The following DONSON variants were observed in gnomAD, a reference collection of about 807,000 sequenced individuals.
DONSON encodes protein downstream neighbor of Son.
In DONSON, 43 loss-of-function variants were observed where a neutral mutation model predicts 62.1. That is an observed-to-expected ratio of 0.69 (90% CI 0.54 to 0.89). The LOEUF is 0.89. Among genes scored for constraint, DONSON ranks in the 40% least tolerant of loss-of-function variants. The probability of loss-of-function intolerance (pLI) is 0.00; values close to 1 mark genes in which losing one functional copy is unlikely to be tolerated. For synonymous variants in DONSON, 266 were observed against 264.6 expected, an observed-to-expected ratio of 1.01 and a Z score of -0.05; for missense variants, 696 against 697.5, an observed-to-expected ratio of 1.00 and a Z score of 0.03.
intron 3 of DONSON, among the ~76,000 whole-genome samples, chr21:33,585,226 T>A (rs979154390): frequency 6.6e-6 from 1 of 152,090 alleles, no homozygotes; most frequent in African/African-American, 2.4e-5. Flanking sequence ...TTTGAGACTT[T>A]AAAAAAATTT....
rs915044499 is a variant in DONSON, at chr21:33,583,341, A to G, written c.964+147T>C. The stretch of plus-strand genomic sequence containing the variant: ...CTGCTGGATTAAATAATTGTGGGGG[A>G]GGGAAAAAAAGCCAGAAATAAAGAA... On this transcript the variant is annotated intron_variant, in intron 5 of 9. Transcript: ENST00000303071. The G allele has an allele frequency of 1.5e-4, 95 of 639,514 alleles. No homozygotes were observed. The Middle Eastern group carries it at 7.1e-3, about 48-fold the overall frequency. The allele number at this position is 639,514 out of a possible 1,614,324, so 39.6% of individuals were successfully genotyped here. A position where few individuals can be genotyped will look rare whatever the true frequency, so the allele number is the denominator to read the frequency against.
intron 8 of DONSON, chr21:33,581,073 A>G: frequency 4.9e-6 from 2 of 404,184 alleles, no homozygotes; most frequent in Non-Finnish European, 4.5e-6. Context: ...GCAGCGCAAG[A>G]CTCCATCTCG....
intron 2 of DONSON, chr21:33,587,277 C>G (rs1404177845): frequency 1.2e-6 from 1 of 805,770 alleles, no homozygotes; most frequent in Non-Finnish European, 1.5e-6. Context: ...AAAACCCCCA[C>G]GTCTATCAGG....
At chr21:33,584,918 G>A (rs1277958143) in intron 3 of DONSON, 150 bp from the exon 4 acceptor site, 1 of 635,402 alleles carries the variant, frequency 1.6e-6, no homozygotes, top group East Asian at 3.2e-5. Flanking sequence ...CGAAAACATA[G>A]TTTATCCTTA....
At chr21:33,584,102 T>C (rs2086551007) in intron 4 of DONSON, among the ~76,000 whole-genome samples, 2 of 147,258 alleles carry the variant, frequency 1.4e-5, no homozygotes, top group African/African-American at 2.5e-5. Flanking sequence ...TGGAGTGCAG[T>C]GGCGCGATCT....
At position 33,581,382 on chromosome 21, in the gene DONSON, T is replaced by A; in HGVS notation, c.1270A>T (p.Thr424Ser). The A allele has an allele frequency of 6.2e-7, 1 of 1,614,134 alleles. No homozygotes were observed. Among genetic ancestry groups the A allele is most frequent in the Non-Finnish European group, 8.5e-7 (1 of 1,180,016 alleles). ...GGAAGTCCTGCCTGTGGACCTGAGG[T>A]AGCAACTAAACTCTTAGAGTTAATC... ...FLINSKSLVA[T>S]SGPQAGLPPT... Residue 424 changes from threonine to serine, a missense_variant, in exon 8 of 10, where the codon ACC (threonine) becomes TCC (serine). By Grantham distance (58) the Thr-to-Ser change is moderately conservative. Transcript: ENST00000303071.
rs775719667 is a variant in DONSON, at chr21:33,586,161, G to C, written c.423C>G (p.Ser141=). The change falls in exon 3 of 10, where the codon TCC becomes TCG. Residue 141 remains serine, a synonymous_variant. Transcript: ENST00000303071. ...TTTTTGAGGACGGAATATCAGGCTC[G>C]GAGAATGATACATGTGAAGTCTTTA... is the stretch of plus-strand genomic sequence containing the variant. ...ELPQTSHVSF[S]EPDIPSSKST... The C allele has an allele frequency of 1.9e-6, 3 of 1,613,874 alleles. No individual in the cohort carries two copies. The highest frequency in any genetic ancestry group is 2.5e-6 in the Non-Finnish European group (3 of 1,179,980).
intron 4 of DONSON, 93 bp from the exon 5 acceptor site, chr21:33,583,759 C>T: frequency 9.9e-7 from 1 of 1,006,410 alleles, no homozygotes; most frequent in East Asian, 2.6e-5. Context: ...TGGTTTAAAA[C>T]ACAACACAAA....
chr21:33,584,524 T>C (rs1461182738), intron 4 of DONSON, 66 bp downstream of exon 4: 2 of 1,424,202 alleles, frequency 1.4e-6, no homozygotes, highest in African/African-American at 2.8e-5. Context: ...GTCACAAATA[T>C]GATAGAGAAT....
rs2086436213 is a variant in DONSON, at chr21:33,577,629, A to C, written c.*678T>G. On this transcript the variant is annotated 3_prime_UTR_variant, in exon 10 of 10. Coordinates refer to ENST00000303071, the MANE Select transcript of DONSON (RefSeq NM_017613.4). Reference sequence around the variant, plus strand: ...TACACACACACACACACACACACACACACACACACACACACACACACACAC... The same window carrying C: ...TACACACACACACACACACACACACCCACACACACACACACACACACACAC... 1 of 23,138 alleles carries C rather than the reference A, an allele frequency of 4.3e-5. No homozygotes were observed. The highest frequency in any genetic ancestry group is 2.0e-4 in the African/African-American group (1 of 4,954). 1.4% of individuals were successfully genotyped at this position (23,138 alleles called of 1,614,324 possible).
Position 33,583,560 on chromosome 21 carries a change from C to G in DONSON, c.892G>C (p.Ala298Pro), listed in dbSNP as rs148095112. Residue 298 changes from alanine to proline, a missense_variant, in exon 5 of 10, where the codon GCT (alanine) becomes CCT (proline). By Grantham distance (27) the Ala-to-Pro change is conservative. Transcript: ENST00000303071. ...FTVLFRAAGL[A>P]GSDLITALIS... ...AGAGCTGTGATTAAGTCACTTCCAG[C>G]TAATCCTGCTGCTCGGAACAGGACA... The G allele has an allele frequency of 6.2e-7, 1 of 1,613,996 alleles. No individual in the cohort carries two copies. Among genetic ancestry groups the G allele is most frequent in the African/African-American group, 1.3e-5 (1 of 75,010 alleles).
chr21:33,586,155 A>AAAAT lies in DONSON; in HGVS notation c.428_429insATTT (p.Asp144PhefsTer2). 1 of 1,614,140 alleles carries AAAAT rather than the reference A, an allele frequency of 6.2e-7. No individual in the cohort carries two copies. Among genetic ancestry groups the AAAAT allele is most frequent in the Non-Finnish European group, 8.5e-7 (1 of 1,179,986 alleles). On this transcript the variant is annotated frameshift_variant, in exon 3 of 10. Coordinates refer to ENST00000303071, the MANE Select transcript of DONSON (RefSeq NM_017613.4). LOFTEE classifies it high-confidence loss of function. ...CAGTACTTTTTGAGGACGGAATATC[A>AAAAT]GGCTCGGAGAATGATACATGTGAAG...
chr21:33,583,336 G>C (rs553773723), intron 5 of DONSON, 152 bp downstream of exon 5: 23 of 620,342 alleles, frequency 3.7e-5, no homozygotes, highest in Non-Finnish European at 5.9e-5. Context: ...AAATAATTGT[G>C]GGGGAGGGAA....
At chr21:33,579,694 A>C (rs2086483618) in intron 8 of DONSON, 132 bp from the exon 9 acceptor site, 1 of 688,002 alleles carries the variant, frequency 1.5e-6, no homozygotes, top group Admixed American at 2.9e-5. Flanking sequence ...CTATTTCCCA[A>C]GACATCTAAA....
chr21:33,585,387 A>T (rs1026812690), intron 3 of DONSON, among the ~76,000 whole-genome samples: 2 of 109,816 alleles, frequency 1.8e-5, no homozygotes, highest in African/African-American at 3.5e-5. Context: ...TGCTCAGCTA[A>T]TTTTTTTTTT....
chr21:33,578,761 G>C (rs1027960553), intron 9 of DONSON, among the ~76,000 whole-genome samples: 1 of 152,178 alleles, frequency 6.6e-6, no homozygotes, highest in East Asian at 1.9e-4. Context: ...AAGGAATCAG[G>C]TACTATTGAG....
Position 33,587,506 on chromosome 21 carries a change from AT to A in DONSON, c.402+15del, listed in dbSNP as rs1484351782. 6.4e-7 allele frequency: 1 copy of A among 1,564,524 alleles called. No individual in the cohort carries two copies. The highest frequency in any genetic ancestry group is 8.6e-7 in the Non-Finnish European group (1 of 1,161,338). On this transcript the variant is annotated intron_variant, in intron 2 of 9. Transcript: ENST00000303071. ...TTATACAAATACACATTCTAATGAT[AT>A]TTAAAAAGTATTACCTGAGGTAATT... is the stretch of plus-strand genomic sequence containing the variant.
chr21:33,583,149 C>T (rs1450352198), intron 5 of DONSON, among the ~76,000 whole-genome samples: 5 of 138,590 alleles, frequency 3.6e-5, no homozygotes, highest in Admixed American at 8.0e-5. Flanking sequence ...TGCAGTGAGC[C>T]GAGATTGCAC....
chr21:33,584,364 T>C (rs1189112611), intron 4 of DONSON, among the ~76,000 whole-genome samples: 2 of 151,732 alleles, frequency 1.3e-5, no homozygotes, highest in Admixed American at 1.3e-4. Flanking sequence ...TGTATATATT[T>C]AACCAACACT....
Sources: gnomAD v4.1 joint callset for allele counts (sites outside exome capture counted in the v4.1 genomes callset) on GRCh38, gnomAD v4.1.1 for gene constraint, MANE v1.5 for transcripts, NCBI Gene and HGNC (gene_info 2026-07-23, HGNC 2026-07-21) for gene names.